Variants in CIB4 observed in about 807,000 individuals in gnomAD.
CIB4 encodes the protein calcium and integrin binding family member 4, also known as calcium and integrin-binding family member 4.
In CIB4, 25 loss-of-function variants were observed where a neutral mutation model predicts 25.8. The ratio of observed to expected loss-of-function variants is 0.97; its 90% CI spans 0.71 to 1.35. CIB4 has a LOEUF of 1.35. Among genes scored for constraint, CIB4 ranks in the 40% most tolerant of loss-of-function variants. The pLI, the probability that CIB4 is intolerant of heterozygous loss-of-function variation, is 0.00. For synonymous variants in CIB4, 75 were observed against 81.4 expected (o/e 0.92, Z 0.42); for missense variants, 235 against 228.2 (o/e 1.03, Z -0.19).
chr2:26,582,399 A>T (rs747018861), intron 6 of CIB4, among the ~76,000 whole-genome samples: 4 of 152,154 alleles, frequency 2.6e-5, no homozygotes, highest in Non-Finnish European at 5.9e-5. Context: ...GCTCTAAGAA[A>T]TAGAATTGGG....
At chr2:26,606,015 T>A (rs1011245528) in intron 3 of CIB4, among the ~76,000 whole-genome samples, 4 of 152,010 alleles carry the variant, frequency 2.6e-5, no homozygotes, top group Non-Finnish European at 5.9e-5. Flanking sequence ...CCGCAGTTAC[T>A]CAGAGAACAG....
intron 4 of CIB4, among the ~76,000 whole-genome samples, chr2:26,592,635 C>T (rs1327126876): frequency 1.3e-5 from 2 of 152,050 alleles, no homozygotes; most frequent in Non-Finnish European, 2.9e-5. Flanking sequence ...GCTCTGTTCC[C>T]CTTTCCCTTG....
chr2:26,584,385 C>G (rs890189567), intron 4 of CIB4, among the ~76,000 whole-genome samples: 33 of 152,224 alleles, frequency 2.2e-4, no homozygotes, highest in Middle Eastern at 3.4e-3. Flanking sequence ...AGAGGGTGGC[C>G]TGGATCTGAA....
At chr2:26,617,448 G>T (rs1392746455) in intron 3 of CIB4, among the ~76,000 whole-genome samples, 1 of 152,286 alleles carries the variant, frequency 6.6e-6, no homozygotes, top group Middle Eastern at 3.4e-3. Flanking sequence ...GCTTCTCAGA[G>T]CCTCAGTTTC....
intron 3 of CIB4, among the ~76,000 whole-genome samples, chr2:26,612,476 C>T (rs528778136): frequency 1.3e-5 from 2 of 152,370 alleles, no homozygotes; most frequent in African/African-American, 4.8e-5. Context: ...GCTGCTTCTA[C>T]TTTCTGGGCG....
chr2:26,618,376 C>T (rs1409361559), intron 3 of CIB4, among the ~76,000 whole-genome samples: 2 of 152,234 alleles, frequency 1.3e-5, no homozygotes, highest in Non-Finnish European at 2.9e-5. Flanking sequence ...GCCTCAACCT[C>T]CCGGCCTCAA....
chr2:26,603,605 T>G (rs1668834305), intron 3 of CIB4, among the ~76,000 whole-genome samples: 1 of 152,130 alleles, frequency 6.6e-6, no homozygotes, highest in Admixed American at 6.5e-5. Context: ...GCAACAAAAT[T>G]AAACACCTAA....
At chr2:26,589,039 T>TTCTTCTTCCTCTTCC (rs1668517847) in intron 4 of CIB4, among the ~76,000 whole-genome samples, 1 of 45,698 alleles carries the variant, frequency 2.2e-5, no homozygotes, top group African/African-American at 9.3e-5. Flanking sequence ...CTTCTTCTTC[T>TTCTTCTTCCTCTTCC]TCTTCTTCTT....
chr2:26,621,610 TA>T (rs1181579039), intron 3 of CIB4, among the ~76,000 whole-genome samples: 2 of 152,272 alleles, frequency 1.3e-5, no homozygotes, highest in South Asian at 4.1e-4. Flanking sequence ...ATGTAAGTTG[TA>T]AAAACATTTA....
chr2:26,619,645 T>C (rs188765712), intron 3 of CIB4, among the ~76,000 whole-genome samples: 2 of 152,186 alleles, frequency 1.3e-5, no homozygotes, highest in Admixed American at 1.3e-4. Flanking sequence ...AGATTCACAG[T>C]GACATACACA....
chr2:26,589,405 T>G (rs1668544468), intron 4 of CIB4, among the ~76,000 whole-genome samples: 1 of 152,012 alleles, frequency 6.6e-6, no homozygotes, highest in Non-Finnish European at 1.5e-5. Context: ...CACTGCAACC[T>G]CTGCCTGACA....
chr2:26,583,681 G>T (rs1668394546), intron 5 of CIB4, 108 bp downstream of exon 5: 2 of 741,654 alleles, frequency 2.7e-6, no homozygotes, highest in Admixed American at 1.9e-5. Context: ...GCCTCAGGCT[G>T]GCCCTGGGTC....
chr2:26,582,762 C>G, intron 6 of CIB4, 63 bp downstream of exon 6: 2 of 973,922 alleles, frequency 2.1e-6, no homozygotes, highest in Non-Finnish European at 3.3e-6. Flanking sequence ...TGAGGAGAGA[C>G]TGGGGGCCCT....
intron 6 of CIB4, among the ~76,000 whole-genome samples, chr2:26,581,855 C>T (rs1013628729): frequency 1.3e-5 from 2 of 152,202 alleles, no homozygotes; most frequent in African/African-American, 4.8e-5. Flanking sequence ...GACCCCTGAC[C>T]ATGGCCACTC....
At chr2:26,589,510 CG>C (rs1403824465) in intron 4 of CIB4, among the ~76,000 whole-genome samples, 2 of 151,990 alleles carry the variant, frequency 1.3e-5, no homozygotes, top group South Asian at 2.1e-4. Flanking sequence ...TTAGTAGAGA[CG>C]GGGTTTCACC....
intron 4 of CIB4, among the ~76,000 whole-genome samples, chr2:26,586,918 A>G (rs1361813334): frequency 6.6e-6 from 1 of 152,186 alleles, no homozygotes; most frequent in East Asian, 1.9e-4. Context: ...GTCGTCTGGG[A>G]TAATGAGGTG....
At chr2:26,629,355 C>T (rs1032566762) in intron 3 of CIB4, 55 bp downstream of exon 3, 1 of 1,153,048 alleles carries the variant, frequency 8.7e-7, no homozygotes, top group Admixed American at 2.0e-5. Flanking sequence ...ACCCATCAGC[C>T]CATCAGCAGG....
intron 3 of CIB4, chr2:26,623,667 G>A: frequency 2.4e-6 from 1 of 417,990 alleles, no homozygotes; most frequent in Non-Finnish European, 5.1e-6. Context: ...GGAATAAAAT[G>A]TAGCAGGGGC....
intron 3 of CIB4, among the ~76,000 whole-genome samples, chr2:26,626,851 C>T (rs1200396180): frequency 6.6e-6 from 1 of 152,142 alleles, no homozygotes; most frequent in Non-Finnish European, 1.5e-5. Context: ...CCCCAACAGG[C>T]TCCTCACCCA....
Sources: allele counts gnomAD v4.1 joint callset (sites outside exome capture counted in the v4.1 genomes callset), GRCh38; gene constraint gnomAD v4.1.1; transcripts MANE v1.5; gene names NCBI Gene and HGNC (gene_info 2026-07-23, HGNC 2026-07-21).